The following ZNF334 variants were observed in gnomAD, a reference collection of about 807,000 sequenced individuals.
ZNF334 encodes zinc finger protein 334.
A neutral mutation model predicts 12.4 loss-of-function variants in ZNF334; 14 were observed. The observed-to-expected ratio is 1.13, with a 90% CI of 0.74 to 1.76. ZNF334 has a LOEUF of 1.76. Among genes scored for constraint, ZNF334 ranks in the 40% most tolerant of loss-of-function variants. The pLI, the probability that ZNF334 is intolerant of heterozygous loss-of-function variation, is 0.00. For synonymous variants in ZNF334, 273 were observed against 269.6 expected (o/e 1.01, Z -0.12); for missense variants, 797 against 804.5 (o/e 0.99, Z 0.11).
At chr20:46,469,370 C>CTT in the ZNF334 span, among the ~76,000 whole-genome samples, 129 of 138,738 alleles carry the variant, frequency 9.3e-4, no homozygotes, top group African/African-American at 2.6e-3. Flanking sequence ...CCCTATGCTC[C>CTT]TTTTTTTTTT....
At chr20:46,490,483 A>C in the ZNF334 span, among the ~76,000 whole-genome samples, 1 of 152,232 alleles carries the variant, frequency 6.6e-6, no homozygotes, top group African/African-American at 2.4e-5. Flanking sequence ...TAATGGAAAC[A>C]AAACTTTAAT....
chr20:46,492,927 G>GA, the ZNF334 span: 6,844 of 146,484 alleles, frequency 0.047, 211 homozygotes, highest in Non-Finnish European at 0.072. Context: ...CCTAAACATA[G>GA]AAAAAAAAAA....
the ZNF334 span, among the ~76,000 whole-genome samples, chr20:46,476,022 T>G: frequency 6.6e-6 from 1 of 152,192 alleles, no homozygotes; most frequent in Non-Finnish European, 1.5e-5. Context: ...TCAGATGCCT[T>G]TTAAACAAAT....
At chr20:46,481,587 T>G in the ZNF334 span, among the ~76,000 whole-genome samples, 1 of 152,190 alleles carries the variant, frequency 6.6e-6, no homozygotes, top group African/African-American at 2.4e-5. Context: ...TTGCATGTGT[T>G]GGCAGCGCAG....
the ZNF334 span, among the ~76,000 whole-genome samples, chr20:46,469,716 G>A: frequency 1.3e-5 from 2 of 152,064 alleles, no homozygotes; most frequent in Non-Finnish European, 2.9e-5. Flanking sequence ...TGCCGACTGT[G>A]TGTGCAATGA....
downstream of ZNF334, chr20:46,496,621 T>C (rs960172477): frequency 3.3e-5 from 5 of 152,338 alleles, no homozygotes; most frequent in Non-Finnish European, 5.9e-5. Context: ...ACAGACGACA[T>C]TTTGGCGTGA....
chr20:46,485,053 C>G, the ZNF334 span: 1 of 167,430 alleles, frequency 6.0e-6, no homozygotes, highest in African/African-American at 2.4e-5. Flanking sequence ...AGGGAAGGAG[C>G]CCTGGATGAT....
At chr20:46,476,274 TGAA>T in the ZNF334 span, 3 of 152,194 alleles carry the variant, frequency 2.0e-5, no homozygotes, top group African/African-American at 7.2e-5. Flanking sequence ...GTGTGGTTAT[TGAA>T]GAAGTTAATG....
the ZNF334 span, among the ~76,000 whole-genome samples, chr20:46,474,228 C>G: frequency 6.6e-6 from 1 of 152,024 alleles, no homozygotes; most frequent in African/African-American, 2.4e-5. Flanking sequence ...CAAAAATTAG[C>G]TGAGTGTGGT....
intron 3 of ZNF334, 135 bp downstream of exon 3, chr20:46,504,479 C>A: frequency 1.6e-6 from 2 of 1,254,284 alleles, no homozygotes; most frequent in Non-Finnish European, 1.1e-6. Context: ...CATACACAAA[C>A]TTCTACTGTC....
chr20:46,466,068 T>C, the ZNF334 span, among the ~76,000 whole-genome samples: 7 of 152,136 alleles, frequency 4.6e-5, no homozygotes, highest in Non-Finnish European at 7.4e-5. Context: ...CTAGCACATA[T>C]ACCCTATAAA....
At chr20:46,472,684 G>C in the ZNF334 span, among the ~76,000 whole-genome samples, 1 of 152,174 alleles carries the variant, frequency 6.6e-6, no homozygotes, top group African/African-American at 2.4e-5. Context: ...AGGTCAGGTA[G>C]GTAGGGTCTC....
the ZNF334 span, among the ~76,000 whole-genome samples, chr20:46,490,147 T>G: frequency 6.6e-6 from 1 of 152,192 alleles, no homozygotes; most frequent in Non-Finnish European, 1.5e-5. Flanking sequence ...TTCAGTGCAG[T>G]GCATGTATAT....
In ZNF334 at chr20:46,512,042, T is replaced by C. The variant is rs117852116; in HGVS notation, c.21+40A>G. On this transcript the variant is annotated intron_variant, in intron 2 of 4. Coordinates refer to ENST00000692313, the MANE Select transcript of ZNF334 (RefSeq NM_001353824.2). Reference sequence around the variant, plus strand: ...CAAACTACTCTAAACCTCTTGAAATTCACTGTATAATGTGAGAAGTAAATC... The same window carrying C: ...CAAACTACTCTAAACCTCTTGAAATCCACTGTATAATGTGAGAAGTAAATC... The C allele has an allele frequency of 2.5e-6, 4 of 1,606,142 alleles. No individual in the cohort carries two copies. In the South Asian group the frequency reaches 4.4e-5, roughly 18 times the overall value.
In ZNF334 at chr20:46,512,184, T is replaced by G. The variant is rs1018887924; in HGVS notation, c.-38-44A>C. On this transcript the variant is annotated intron_variant, in intron 1 of 4. Coordinates refer to ENST00000692313, the MANE Select transcript of ZNF334 (RefSeq NM_001353824.2). ...CGAATGGAATCATGAGCGATTTGGC[T>G]CACACAGCAGCTCTACAATTACCTA... The G allele has an allele frequency of 2.7e-5, 40 of 1,475,134 alleles. No homozygotes were observed. The East Asian group carries it at 8.6e-4, about 32-fold the overall frequency. The allele number at this position is 1,475,134 out of a possible 1,614,324, so 91.4% of individuals were successfully genotyped here.
At chr20:46,463,784 C>A in the ZNF334 span, 1 of 266,740 alleles carries the variant, frequency 3.7e-6, no homozygotes. Flanking sequence ...AAGACAGCAC[C>A]TGGAGTTGAT....
At chr20:46,504,344 T>C (rs374239816) in intron 3 of ZNF334, 38 bp from the exon 4 acceptor site, 38 of 1,539,902 alleles carry the variant, frequency 2.5e-5, no homozygotes, top group Middle Eastern at 1.7e-4. Context: ...ACCAAGATCT[T>C]TGGACATCAG....
At chr20:46,505,666 A>T (rs929726332) in intron 2 of ZNF334, 1 of 153,810 alleles carries the variant, frequency 6.5e-6, no homozygotes, top group African/African-American at 2.4e-5. Flanking sequence ...AATCTAGGCC[A>T]CTGGGAGCCA....
chr20:46,504,336 C>A, intron 3 of ZNF334, 30 bp from the exon 4 acceptor site: 9 of 1,585,774 alleles, frequency 5.7e-6, no homozygotes, highest in Non-Finnish European at 7.8e-6. Flanking sequence ...GAACTTGGAC[C>A]AAGATCTTTG....
Sources: gnomAD v4.1 joint callset for allele counts (sites outside exome capture counted in the v4.1 genomes callset) on GRCh38, gnomAD v4.1.1 for gene constraint, MANE v1.5 for transcripts, NCBI Gene and HGNC (gene_info 2026-07-23, HGNC 2026-07-21) for gene names.